Variants in SCP2 observed in about 807,000 individuals in gnomAD.
SCP2 encodes SCP-2/3-oxoacyl-CoA thiolase.
A neutral mutation model predicts 71.4 loss-of-function variants in SCP2; 48 were observed. That is an observed-to-expected ratio of 0.67 (90% CI 0.53 to 0.86). The LOEUF is 0.86. SCP2 is among the 40% of genes least tolerant of loss of function. The pLI, the probability that SCP2 is intolerant of heterozygous loss-of-function variation, is 0.00. For missense variants in SCP2, 560 were observed against 655.6 expected (o/e 0.85, Z 1.59); for synonymous variants, 220 against 218.1 (o/e 1.01, Z -0.08).
chr1:52,937,536 G>A (rs1043969134), intron 1 of SCP2, among the ~76,000 whole-genome samples: 3 of 152,110 alleles, frequency 2.0e-5, no homozygotes, highest in Admixed American at 6.6e-5. Flanking sequence ...CCTTAAAAAG[G>A]TTTCTGTAAT....
At chr1:52,934,403 A>G (rs1004294551) in intron 1 of SCP2, among the ~76,000 whole-genome samples, 7 of 151,946 alleles carry the variant, frequency 4.6e-5, no homozygotes, top group Non-Finnish European at 7.4e-5. Context: ...AAAGGGCCGT[A>G]TAACTCATGG....
At chr1:52,944,142 T>G (rs747074380) in intron 2 of SCP2, among the ~76,000 whole-genome samples, 7 of 152,186 alleles carry the variant, frequency 4.6e-5, no homozygotes, top group Admixed American at 2.0e-4. Flanking sequence ...TTTCATCCCA[T>G]AAGTTGTTAG....
At chr1:53,042,220 G>A (rs1206332972) in intron 14 of SCP2, among the ~76,000 whole-genome samples, 1 of 151,332 alleles carries the variant, frequency 6.6e-6, no homozygotes, top group Non-Finnish European at 1.5e-5. Context: ...GGCTTTATCT[G>A]GATTCCAGCT....
chr1:52,981,701 G>C (rs1245499202), intron 10 of SCP2, among the ~76,000 whole-genome samples: 2 of 151,378 alleles, frequency 1.3e-5, no homozygotes, highest in Non-Finnish European at 2.9e-5. Context: ...CAAAGTGCTG[G>C]GGTTGCAAGC....
chr1:52,984,211 GT>G (rs1478847106), intron 10 of SCP2, among the ~76,000 whole-genome samples: 1 of 152,112 alleles, frequency 6.6e-6, no homozygotes, highest in East Asian at 1.9e-4. Context: ...TACCTTTGCT[GT>G]TTCTGCTGCC....
intron 15 of SCP2, 129 bp downstream of exon 15, chr1:53,048,066 A>G: frequency 1.4e-6 from 1 of 719,036 alleles, no homozygotes. Flanking sequence ...CAAACAGTTG[A>G]CAGACGTCTG....
intron 1 of SCP2, among the ~76,000 whole-genome samples, chr1:52,929,045 T>A (rs1005092374): frequency 6.6e-6 from 1 of 152,088 alleles, no homozygotes; most frequent in African/African-American, 2.4e-5. Flanking sequence ...GGGGAGGTGT[T>A]ACAGTCCAGA....
chr1:52,943,791 C>A, intron 2 of SCP2: 1 of 455,044 alleles, frequency 2.2e-6, no homozygotes. Context: ...TCACCGAGTG[C>A]CACAGTACCA....
At chr1:53,049,386 G>T (rs532321723) in intron 15 of SCP2, 2 of 152,286 alleles carry the variant, frequency 1.3e-5, no homozygotes, top group Admixed American at 1.3e-4. Context: ...CTTCCCTTAT[G>T]CTCAGAGGAT....
chr1:53,029,893 C>CCTTT (rs140981186), intron 13 of SCP2, among the ~76,000 whole-genome samples: 3 of 150,898 alleles, frequency 2.0e-5, no homozygotes, highest in Non-Finnish European at 1.5e-5. Flanking sequence ...TCTTTACCCC[C>CCTTT]TGTTTTTTTT....
At chr1:53,010,481 A>C (rs1048563374) in intron 11 of SCP2, among the ~76,000 whole-genome samples, 4 of 152,208 alleles carry the variant, frequency 2.6e-5, no homozygotes, top group Admixed American at 2.6e-4. Flanking sequence ...CTTTGTAGGG[A>C]CATGGATGAA....
intron 11 of SCP2, among the ~76,000 whole-genome samples, chr1:52,991,262 A>T (rs1659472092): frequency 6.6e-6 from 1 of 152,250 alleles, no homozygotes; most frequent in South Asian, 2.1e-4. Flanking sequence ...AGTATATAGT[A>T]GAGTCCCCCA....
intron 2 of SCP2, chr1:52,943,735 G>A: frequency 2.1e-6 from 1 of 468,618 alleles, no homozygotes; most frequent in South Asian, 1.7e-5. Context: ...GACGCTGGAA[G>A]GGAGGTTTGC....
At chr1:53,019,062 A>G (rs958224487) in intron 12 of SCP2, among the ~76,000 whole-genome samples, 6 of 152,178 alleles carry the variant, frequency 3.9e-5, no homozygotes, top group African/African-American at 1.4e-4. Flanking sequence ...GATTCAGATT[A>G]TACATTTTTT....
At chr1:52,993,159 C>T in intron 11 of SCP2, 2 of 1,603,722 alleles carry the variant, frequency 1.2e-6, no homozygotes. Context: ...AAGATGAGGG[C>T]TTTTCCTGGC....
chr1:53,013,106 CTTTTTTTTTTTTT>C (rs754111443), intron 11 of SCP2, among the ~76,000 whole-genome samples: 14 of 104,648 alleles, frequency 1.3e-4, no homozygotes, highest in Admixed American at 1.3e-3. Flanking sequence ...GTGGAGCTAC[CTTTTTTTTTTTTT>C]TTTTTTTTTT....
chr1:53,042,069 G>A (rs986377197), intron 14 of SCP2, among the ~76,000 whole-genome samples: 10 of 152,126 alleles, frequency 6.6e-5, no homozygotes, highest in African/African-American at 2.4e-4. Flanking sequence ...CGTCTAGTGT[G>A]GGCAGCATGG....
chr1:53,042,964 C>T (rs1017456601), intron 14 of SCP2, among the ~76,000 whole-genome samples: 2 of 152,174 alleles, frequency 1.3e-5, no homozygotes, highest in African/African-American at 2.4e-5. Context: ...TATAGCATAT[C>T]TCCAGGAGGC....
chr1:52,987,357 C>A (rs1359142717), intron 10 of SCP2, among the ~76,000 whole-genome samples: 1 of 152,098 alleles, frequency 6.6e-6, no homozygotes, highest in African/African-American at 2.4e-5. Flanking sequence ...GCATTGCCAC[C>A]ATCATTACTA....
Sources: gnomAD v4.1 joint callset for allele counts (sites outside exome capture counted in the v4.1 genomes callset) on GRCh38, gnomAD v4.1.1 for gene constraint, MANE v1.5 for transcripts, NCBI Gene and HGNC (gene_info 2026-07-23, HGNC 2026-07-21) for gene names.